Variants in PSMD2 observed in about 807,000 individuals in gnomAD.
PSMD2 encodes proteasome 26S subunit ubiquitin receptor, non-ATPase 2.
Under a neutral mutation model 101.5 loss-of-function variants are expected in PSMD2, and 8 were observed. The ratio of observed to expected loss-of-function variants is 0.08; its 90% CI spans 0.05 to 0.14. The LOEUF (loss-of-function observed/expected upper bound fraction) is 0.14. PSMD2 is among the 10% of genes least tolerant of loss of function. The pLI, the probability that PSMD2 is intolerant of heterozygous loss-of-function variation, is 1.00. For missense variants in PSMD2, 784 were observed against 1,147.4 expected, an observed-to-expected ratio of 0.68 and a Z score of 4.58; for synonymous variants, 418 against 433.8, an observed-to-expected ratio of 0.96 and a Z score of 0.45.
At chr3:184,303,510 C>T (rs1425296315) in intron 9 of PSMD2, 44 bp downstream of exon 9, 3 of 1,609,024 alleles carry the variant, frequency 1.9e-6, no homozygotes, top group Non-Finnish European at 2.5e-6. Context: ...GCTTTGATCA[C>T]TTCTTTTGTC....
At position 184,302,102 on chromosome 3, in the gene PSMD2, G is replaced by C. The variant is rs138257062; in HGVS notation, c.704+31G>C. ...TGAACATGGTAGGGAAGGGTGGCAG[G>C]CATGCCCTCCTCAGCACCTCTCTCT... On this transcript the variant is annotated intron_variant, in intron 5 of 20. Transcript: ENST00000310118. 12 of 1,600,308 alleles carry C rather than the reference G, an allele frequency of 7.5e-6. No individual in the cohort carries two copies. In the African/African-American group the frequency reaches 1.3e-4, roughly 18 times the overall value.
At chr3:184,307,290 C>G (rs1577160663) in intron 16 of PSMD2, 67 bp from the exon 17 acceptor site, 2 of 1,550,794 alleles carry the variant, frequency 1.3e-6, no homozygotes, top group East Asian at 2.2e-5. Context: ...ACCCATCAGT[C>G]CACTCCTGTA....
Position 184,308,319 on chromosome 3 carries a change from T to G in PSMD2, c.2426-130T>G. On this transcript the variant is annotated intron_variant, in intron 19 of 20. Transcript: ENST00000310118. This position sits in a 1 kb window ranked among gnomAD's most constrained non-coding sequence, Gnocchi z 6.0. The stretch of plus-strand genomic sequence containing the variant: ...CGTCTCTGGTTCGTAGTAGGGTGTA[T>G]GAGGGGAGGAGTGTGGATTCAGTCG... 1.2e-6 allele frequency: 1 copy of G among 842,356 alleles called. No homozygotes were observed. The highest frequency in any genetic ancestry group is 1.9e-6 in the Non-Finnish European group (1 of 532,132). 52.2% of individuals were successfully genotyped at this position (842,356 alleles called of 1,614,324 possible). A position where few individuals can be genotyped will look rare whatever the true frequency, so the allele number is the denominator to read the frequency against.
Position 184,304,424 on chromosome 3 carries a change from T to C in PSMD2, c.1539+33T>C. 6.3e-7 allele frequency: 1 copy of C among 1,588,178 alleles called. No homozygotes were observed. The highest frequency in any genetic ancestry group is 8.6e-7 in the Non-Finnish European group (1 of 1,156,520). Reference sequence around the variant, plus strand: ...GAGGCTATTGAGCATTTAGAGTAAGTAGGGAAGGTGCTTTGAGTCTTACTT... The same window carrying C: ...GAGGCTATTGAGCATTTAGAGTAAGCAGGGAAGGTGCTTTGAGTCTTACTT... On this transcript the variant is annotated intron_variant, in intron 12 of 20. Transcript: ENST00000310118. This position sits in a 1 kb window ranked among gnomAD's most constrained non-coding sequence, Gnocchi z 4.1.
At chr3:184,303,200 G>T (rs904628000) in intron 8 of PSMD2, 120 bp from the exon 9 acceptor site, 3 of 1,493,730 alleles carry the variant, frequency 2.0e-6, no homozygotes, top group Non-Finnish European at 2.8e-6. Flanking sequence ...TGCTTGGGGG[G>T]GTATAGGTAG....
At chr3:184,307,242 C>T in intron 16 of PSMD2, 115 bp from the exon 17 acceptor site, 1 of 1,192,910 alleles carries the variant, frequency 8.4e-7, no homozygotes, top group South Asian at 1.4e-5. Context: ...CATGCCCAGC[C>T]TGCTGTGCCT....
chr3:184,303,146 T>G, intron 8 of PSMD2, 84 bp downstream of exon 8: 1 of 1,525,744 alleles, frequency 6.6e-7, no homozygotes, highest in Non-Finnish European at 9.1e-7. Context: ...CCAACATGCT[T>G]ATCCTATCGA....
Position 184,308,426 on chromosome 3 carries a change from T to G in PSMD2, c.2426-23T>G. The G allele has an allele frequency of 6.4e-7, 1 of 1,572,900 alleles. No individual in the cohort carries two copies. Among genetic ancestry groups the G allele is most frequent in the South Asian group, 1.1e-5 (1 of 88,840 alleles). ...GGCCTGTCTTTTTGTCTCTTAACTTTTTGTCCTGTCTGCTTCCCTCAGTTA... is the reference window on the plus strand; with the variant it reads ...GGCCTGTCTTTTTGTCTCTTAACTTGTTGTCCTGTCTGCTTCCCTCAGTTA... On this transcript the variant is annotated intron_variant, in intron 19 of 20. Coordinates refer to ENST00000310118, the MANE Select transcript of PSMD2 (RefSeq NM_002808.5). The surrounding 1 kb of genome is among the most constrained non-coding windows in gnomAD (Gnocchi z 6.0).
chr3:184,305,363 C>T (rs1399342422), intron 12 of PSMD2, among the ~76,000 whole-genome samples: 3 of 152,044 alleles, frequency 2.0e-5, no homozygotes, highest in African/African-American at 7.2e-5. Flanking sequence ...GTGGCGCGCA[C>T]CTATAGTCCC....
Position 184,304,023 on chromosome 3 carries a change from C to T in PSMD2, c.1400C>T (p.Ser467Leu), listed in dbSNP as rs1721739711. 1 of 1,614,214 alleles carries T rather than the reference C, an allele frequency of 6.2e-7. No individual in the cohort carries two copies. Among genetic ancestry groups the T allele is most frequent in the South Asian group, 1.1e-5 (1 of 91,084 alleles). Reference sequence around the variant, plus strand: ...TGTGACCCTGCTCTGGCACTGCTCTCAGACTATGTTCTCCACAACAGCAAC... The same window carrying T: ...TGTGACCCTGCTCTGGCACTGCTCTTAGACTATGTTCTCCACAACAGCAAC... The part of the protein sequence containing the change: ...NECDPALALL[S>L]DYVLHNSNTM... Residue 467 changes from serine to leucine, a missense_variant, in exon 11 of 21, where the codon TCA becomes TTA. Physicochemically the swap from Ser to Leu is moderately radical, Grantham distance 145. Around this residue, in one of 6 missense-constraint regions of PSMD2, gnomAD observed 282 missense variants for 437.6 expected, o/e 0.64. Coordinates refer to ENST00000310118, the MANE Select transcript of PSMD2 (RefSeq NM_002808.5). The surrounding 1 kb of genome is among the most constrained non-coding windows in gnomAD (Gnocchi z 4.1).
Position 184,302,006 on chromosome 3 carries a change from G to T in PSMD2, c.639G>T (p.Gln213His), listed in dbSNP as rs1721660708. Residue 213 changes from glutamine (Q) to histidine (H), a missense_variant, in exon 5 of 21, where the codon CAG becomes CAT. Physicochemically the swap from Gln to His is conservative, Grantham distance 24 (BLOSUM62 0). Transcript: ENST00000310118. ...EACDLLMEIE[Q>H]VDMLEKDIDE... ...GCGACCTGCTTATGGAAATTGAGCAGGTGGACATGCTGGAGAAGGACATTG... is the reference window on the plus strand; with the variant it reads ...GCGACCTGCTTATGGAAATTGAGCATGTGGACATGCTGGAGAAGGACATTG... 6 of 1,614,114 alleles carry T rather than the reference G, an allele frequency of 3.7e-6. No homozygotes were observed. Among genetic ancestry groups the T allele is most frequent in the Non-Finnish European group, 5.1e-6 (6 of 1,180,052 alleles).
At position 184,302,754 on chromosome 3, in the gene PSMD2, G is replaced by T. The variant is rs11545169; in HGVS notation, c.939G>T (p.Glu313Asp). Residue 313 changes from glutamate (E) to aspartate (D), a missense_variant, in exon 7 of 21, where the codon GAG (glutamate) becomes GAT (aspartate). By Grantham distance (45) the Glu-to-Asp change is conservative. This residue lies in a region of PSMD2 where 208 missense variants were observed against 301.6 expected (regional missense o/e 0.69). Coordinates refer to ENST00000310118, the MANE Select transcript of PSMD2 (RefSeq NM_002808.5). ...VFLELSEDVE[E>D]YEDLTEIMSN... The stretch of plus-strand genomic sequence containing the variant: ...TGGAGCTGAGTGAAGATGTCGAGGA[G>T]TATGAGGACCTGACAGAGATCATGT... 0.15 allele frequency: 236,649 copies of T among 1,614,012 alleles called. 18,520 individuals are homozygous for T. Among genetic ancestry groups the T allele is most frequent in the Non-Finnish European group, 0.16 (189,518 of 1,179,990 alleles).
At chr3:184,302,246 C>G in intron 5 of PSMD2, 124 bp from the exon 6 acceptor site, 1 of 1,212,880 alleles carries the variant, frequency 8.2e-7, no homozygotes, top group Non-Finnish European at 1.2e-6. Flanking sequence ...CTTAGTAGTT[C>G]TAACATCTAG....
Position 184,299,624 on chromosome 3 carries a change from A to C in PSMD2, c.135+223A>C, listed in dbSNP as rs544557481. 105 of 677,038 alleles carry C rather than the reference A, an allele frequency of 1.6e-4. 2 individuals are homozygous for C. The South Asian group carries it at 2.3e-3, about 15-fold the overall frequency. The allele number at this position is 677,038 out of a possible 1,614,324, so 41.9% of individuals were successfully genotyped here. A position where few individuals can be genotyped will look rare whatever the true frequency, so the allele number is the denominator to read the frequency against. On this transcript the variant is annotated intron_variant, in intron 1 of 20. Transcript: ENST00000310118. ...CCCTCACCACCGCCGCGTGAAGTGG[A>C]CTCGGGCAGGTCATTGTCACCTCCG...
At position 184,306,384 on chromosome 3, in the gene PSMD2, C is replaced by T. The variant is rs368306530; in HGVS notation, c.1839C>T (p.Leu613=). Residue 613 remains leucine (L), a synonymous_variant, in exon 15 of 21, where the codon CTC becomes CTT. Coordinates refer to ENST00000310118, the MANE Select transcript of PSMD2 (RefSeq NM_002808.5). ...ATGTGCTGAAGGTGCAGCAGCTGCT[C>T]CACATTTGTAGCGAACACTTTGACT... ...SGNVLKVQQL[L]HICSEHFDSK... 1.2e-6 allele frequency: 2 copies of T among 1,614,028 alleles called. No individual in the cohort carries two copies. Among genetic ancestry groups the T allele is most frequent in the Non-Finnish European group, 1.7e-6 (2 of 1,180,042 alleles).
Position 184,307,353 on chromosome 3 carries a change from T to G in PSMD2, c.2035-4T>G. ...CTTACTGTTGTATTTTCTTGGATCA[T>G]CAGCTGAGATATGGGGAGCCTACAC... On this transcript the variant is annotated splice_region_variant and splice_polypyrimidine_tract_variant and intron_variant, in intron 16 of 20. Coordinates refer to ENST00000310118, the MANE Select transcript of PSMD2 (RefSeq NM_002808.5). 4 of 1,613,876 alleles carry G rather than the reference T, an allele frequency of 2.5e-6. No homozygotes were observed. The highest frequency in any genetic ancestry group is 3.4e-6 in the Non-Finnish European group (4 of 1,179,826).
intron 1 of PSMD2, 189 bp downstream of exon 1, chr3:184,299,590 C>T (rs1183702669): frequency 4.8e-6 from 4 of 834,226 alleles, no homozygotes; most frequent in Non-Finnish European, 6.9e-6. Context: ...CCTCCGCCGT[C>T]CCCACCAACC....
chr3:184,300,782 G>T (rs1348040326), intron 3 of PSMD2: 4 of 495,508 alleles, frequency 8.1e-6, no homozygotes, highest in African/African-American at 2.1e-5. Context: ...CTGCCTGCTG[G>T]TACAACCCTA....
chr3:184,309,010 T>G lies in PSMD2; in HGVS notation c.*120T>G. On this transcript the variant is annotated 3_prime_UTR_variant, in exon 21 of 21. Transcript: ENST00000310118. ...TTGTCGCCTCCTGCTCTTTTGTTACTGAGTGAGATAAGGTTGTTCAATAAA... is the reference window on the plus strand; with the variant it reads ...TTGTCGCCTCCTGCTCTTTTGTTACGGAGTGAGATAAGGTTGTTCAATAAA... 9.5e-7 allele frequency: 1 copy of G among 1,051,766 alleles called. No individual in the cohort carries two copies. Among genetic ancestry groups the G allele is most frequent in the Non-Finnish European group, 1.4e-6 (1 of 718,248 alleles). 65.2% of individuals were successfully genotyped at this position (1,051,766 alleles called of 1,614,324 possible).
Sources: allele counts gnomAD v4.1 joint callset (sites outside exome capture counted in the v4.1 genomes callset), GRCh38; gene constraint gnomAD v4.1.1; regional missense constraint gnomAD v4.1.1; non-coding constraint Gnocchi (gnomAD v3.1); transcripts MANE v1.5; gene names NCBI Gene and HGNC (gene_info 2026-07-23, HGNC 2026-07-21).